B4GALT6: variants seen among roughly 807,000 people sequenced by gnomAD.
The protein encoded by B4GALT6 is beta-1,4-galactosyltransferase 6.
In B4GALT6, 14 loss-of-function variants were observed where a neutral mutation model predicts 46.3. The observed-to-expected ratio is 0.30, with a 90% CI of 0.20 to 0.47. The LOEUF is 0.47. Ranked by LOEUF, B4GALT6 falls within the 20% of genes least tolerant of loss-of-function variation. B4GALT6 has a pLI of 0.99. For synonymous variants in B4GALT6, 168 were observed against 162.0 expected (o/e 1.04, Z -0.28); for missense variants, 386 against 480.1 (o/e 0.80, Z 1.83).
At chr18:31,712,247 T>TCGGAGTTGC in the B4GALT6 span, among the ~76,000 whole-genome samples, 1 of 151,442 alleles carries the variant, frequency 6.6e-6, no homozygotes, top group Non-Finnish European at 1.5e-5. Context: ...CTGCAGTAGT[T>TCGGAGTTGC]CGGAGTTGCC....
intron 2 of B4GALT6, among the ~76,000 whole-genome samples, chr18:31,660,237 C>T (rs139561788): frequency 6.6e-6 from 1 of 152,188 alleles, no homozygotes; most frequent in East Asian, 1.9e-4. Flanking sequence ...GCGTGAGCCA[C>T]CATGCCTGGC....
chr18:31,676,204 C>T (rs1181067889), intron 1 of B4GALT6, among the ~76,000 whole-genome samples: 5 of 152,026 alleles, frequency 3.3e-5, no homozygotes, highest in African/African-American at 9.7e-5. Flanking sequence ...AGGCAATACA[C>T]GTAACAAGAT....
chr18:31,635,024 C>G (rs1321061562), intron 5 of B4GALT6, among the ~76,000 whole-genome samples: 1 of 152,074 alleles, frequency 6.6e-6, no homozygotes, highest in Non-Finnish European at 1.5e-5. Context: ...GGGTGGATCA[C>G]AAGGTCAGGA....
At chr18:31,649,023 G>A (rs935493151) in intron 3 of B4GALT6, among the ~76,000 whole-genome samples, 1 of 152,132 alleles carries the variant, frequency 6.6e-6, no homozygotes, top group African/African-American at 2.4e-5. Flanking sequence ...CCCTAGAAAT[G>A]TCCCTTAGGG....
At chr18:31,721,242 G>A in the B4GALT6 span, among the ~76,000 whole-genome samples, 3 of 152,092 alleles carry the variant, frequency 2.0e-5, no homozygotes, top group Admixed American at 6.6e-5. Flanking sequence ...TATAAATGAC[G>A]AGTTGATGGG....
At chr18:31,645,093 C>T (rs142343202) in intron 4 of B4GALT6, among the ~76,000 whole-genome samples, 63 of 152,304 alleles carry the variant, frequency 4.1e-4, no homozygotes, top group African/African-American at 1.5e-3. Context: ...CCAAGCCAAA[C>T]TCAAGTCACG....
upstream of B4GALT6, among the ~76,000 whole-genome samples, chr18:31,689,985 T>G (rs1463708819): frequency 6.6e-6 from 1 of 152,212 alleles, no homozygotes; most frequent in Non-Finnish European, 1.5e-5. Context: ...GTGTTACTCC[T>G]GAGAATCTCG....
chr18:31,641,137 A>G (rs2073925760), intron 4 of B4GALT6, among the ~76,000 whole-genome samples: 1 of 152,250 alleles, frequency 6.6e-6, no homozygotes, highest in South Asian at 2.1e-4. Flanking sequence ...CAGAGTCCCA[A>G]TTAAAGACAG....
chr18:31,628,853 C>G (rs955295095), intron 6 of B4GALT6, among the ~76,000 whole-genome samples: 4 of 152,242 alleles, frequency 2.6e-5, no homozygotes, highest in African/African-American at 7.2e-5. Context: ...TTGAACAACA[C>G]AGGTTTGAGC....
the B4GALT6 span, among the ~76,000 whole-genome samples, chr18:31,710,814 C>CCCCA: frequency 7.1e-6 from 1 of 140,124 alleles, no homozygotes; most frequent in Admixed American, 7.2e-5. Context: ...CCTGAATACA[C>CCCCA]CACACACACA....
At chr18:31,693,081 G>T in the B4GALT6 span, among the ~76,000 whole-genome samples, 1 of 152,144 alleles carries the variant, frequency 6.6e-6, no homozygotes, top group African/African-American at 2.4e-5. Context: ...TTCCTTAAAA[G>T]CATCACAAGT....
chr18:31,694,501 G>A, the B4GALT6 span, among the ~76,000 whole-genome samples: 1 of 152,326 alleles, frequency 6.6e-6, no homozygotes, highest in East Asian at 1.9e-4. Flanking sequence ...CAATCGCTCA[G>A]AGTCTCTCTA....
intron 1 of B4GALT6, among the ~76,000 whole-genome samples, chr18:31,668,847 C>CAAA (rs34938031): frequency 2.2e-5 from 3 of 133,704 alleles, no homozygotes; most frequent in Non-Finnish European, 3.2e-5. Flanking sequence ...TAAAAAAATA[C>CAAA]AAAAAAAAAA....
chr18:31,707,292 C>T, the B4GALT6 span, among the ~76,000 whole-genome samples: 1 of 150,284 alleles, frequency 6.7e-6, no homozygotes, highest in Non-Finnish European at 1.5e-5. Context: ...TTCTCCATCT[C>T]CAATAAAATA....
chr18:31,709,685 AAT>A, the B4GALT6 span, among the ~76,000 whole-genome samples: 6 of 151,388 alleles, frequency 4.0e-5, no homozygotes, highest in Non-Finnish European at 8.8e-5. Flanking sequence ...TGCAAAGACT[AAT>A]AAGTGGGAAA....
chr18:31,627,216 G>T, intron 6 of B4GALT6, 95 bp from the exon 7 acceptor site: 1 of 1,017,358 alleles, frequency 9.8e-7, no homozygotes, highest in South Asian at 1.7e-5. Context: ...TGCAAAATAT[G>T]CCCTTATATT....
At chr18:31,635,728 G>C (rs2073849389) in intron 5 of B4GALT6, among the ~76,000 whole-genome samples, 2 of 152,286 alleles carry the variant, frequency 1.3e-5, no homozygotes, top group South Asian at 4.1e-4. Context: ...TGAGACAGGA[G>C]AATCGCTTGA....
chr18:31,682,421 T>G (rs2074490398), intron 1 of B4GALT6, among the ~76,000 whole-genome samples: 1 of 152,364 alleles, frequency 6.6e-6, no homozygotes. Context: ...TTATCATTTA[T>G]AAGACCTACA....
chr18:31,668,847 CAA>C (rs34938031), intron 1 of B4GALT6, among the ~76,000 whole-genome samples: 1 of 133,712 alleles, frequency 7.5e-6, no homozygotes. Context: ...TAAAAAAATA[CAA>C]AAAAAAAAAA....
Sources: allele counts gnomAD v4.1 joint callset (sites outside exome capture counted in the v4.1 genomes callset), GRCh38; gene constraint gnomAD v4.1.1; transcripts MANE v1.5; gene names NCBI Gene and HGNC (gene_info 2026-07-23, HGNC 2026-07-21).